The following SWAP70 variants were observed in gnomAD, a reference collection of about 807,000 sequenced individuals.
The protein encoded by SWAP70 is switch-associated protein 70.
A neutral mutation model predicts 80.2 loss-of-function variants in SWAP70; 34 were observed. The ratio of observed to expected loss-of-function variants is 0.42; its 90% CI spans 0.32 to 0.56. SWAP70 has a LOEUF of 0.56. SWAP70 is among the 20% of genes least tolerant of loss of function. The pLI is 0.09. For synonymous variants in SWAP70, 239 were observed against 238.5 expected, an observed-to-expected ratio of 1.00 and a Z score of -0.02; for missense variants, 578 against 690.7, an observed-to-expected ratio of 0.84 and a Z score of 1.83.
chr11:9,684,839 T>C (rs765953321), intron 1 of SWAP70, among the ~76,000 whole-genome samples: 7 of 152,208 alleles, frequency 4.6e-5, no homozygotes, highest in Non-Finnish European at 1.0e-4. Flanking sequence ...GGGACTAATT[T>C]AGCAAACATT....
chr11:9,736,217 C>T (rs1440730914), intron 7 of SWAP70, among the ~76,000 whole-genome samples: 1 of 152,010 alleles, frequency 6.6e-6, no homozygotes, highest in Admixed American at 6.6e-5. Flanking sequence ...ATTTATATCT[C>T]TTTATTATTC....
chr11:9,729,091 A>G (rs979801634), intron 5 of SWAP70, among the ~76,000 whole-genome samples: 2 of 152,212 alleles, frequency 1.3e-5, no homozygotes, highest in African/African-American at 2.4e-5. Flanking sequence ...AAGAGCTGCT[A>G]TACTCAGGAA....
intron 2 of SWAP70, among the ~76,000 whole-genome samples, chr11:9,707,934 A>C (rs183310044): frequency 2.0e-5 from 3 of 152,274 alleles, no homozygotes; most frequent in Non-Finnish European, 4.4e-5. Context: ...TTTTTTTGTT[A>C]TATAGATAAG....
chr11:9,699,395 T>G (rs992158087), intron 2 of SWAP70, among the ~76,000 whole-genome samples: 2 of 152,346 alleles, frequency 1.3e-5, no homozygotes, highest in Admixed American at 1.3e-4. Context: ...GCTTTTTTTT[T>G]GTTGCTGTTC....
At chr11:9,709,209 C>G (rs1304167287) in intron 2 of SWAP70, among the ~76,000 whole-genome samples, 5 of 152,146 alleles carry the variant, frequency 3.3e-5, no homozygotes, top group African/African-American at 1.2e-4. Context: ...ATTGCAGCCT[C>G]CACCTCCCAG....
At chr11:9,689,077 A>G (rs1048890411) in intron 1 of SWAP70, among the ~76,000 whole-genome samples, 1 of 152,186 alleles carries the variant, frequency 6.6e-6, no homozygotes, top group African/African-American at 2.4e-5. Context: ...TGGAATAGAA[A>G]TCTGCCCCCA....
intron 6 of SWAP70, among the ~76,000 whole-genome samples, chr11:9,730,057 A>G (rs925185535): frequency 1.3e-5 from 2 of 152,188 alleles, no homozygotes; most frequent in Non-Finnish European, 2.9e-5. Flanking sequence ...CTTTTAGTGT[A>G]ATCATCACTC....
At chr11:9,722,245 A>G (rs1200751591) in intron 3 of SWAP70, among the ~76,000 whole-genome samples, 1 of 152,182 alleles carries the variant, frequency 6.6e-6, no homozygotes, top group African/African-American at 2.4e-5. Context: ...AGGCTTACTT[A>G]GTTAATTTCA....
chr11:9,726,242 C>T (rs1358200090), intron 4 of SWAP70, among the ~76,000 whole-genome samples: 1 of 152,136 alleles, frequency 6.6e-6, no homozygotes, highest in Non-Finnish European at 1.5e-5. Flanking sequence ...TCTCAGCACC[C>T]AGCATAGCAG....
intron 2 of SWAP70, among the ~76,000 whole-genome samples, chr11:9,699,930 T>C (rs1267602447): frequency 2.0e-5 from 3 of 151,300 alleles, no homozygotes; most frequent in South Asian, 2.1e-4. Flanking sequence ...GTGTCTGTTA[T>C]TAAAATATTA....
chr11:9,667,353 C>G (rs750585624), intron 1 of SWAP70, among the ~76,000 whole-genome samples: 1 of 151,826 alleles, frequency 6.6e-6, no homozygotes, highest in Non-Finnish European at 1.5e-5. Flanking sequence ...CTGGCTCAAG[C>G]GATCCTCCAG....
At chr11:9,716,231 T>C (rs408569) in intron 3 of SWAP70, among the ~76,000 whole-genome samples, 49,597 of 151,930 alleles carry the variant, frequency 0.33, 8,339 homozygotes, top group Non-Finnish European at 0.35. Flanking sequence ...AGATGAAATA[T>C]GGAGACATGG....
At chr11:9,706,252 T>C (rs1590028356) in intron 2 of SWAP70, among the ~76,000 whole-genome samples, 4 of 24,756 alleles carry the variant, frequency 1.6e-4, no homozygotes, top group Non-Finnish European at 3.1e-4. Flanking sequence ...CTGTGTATAC[T>C]TGGTGATCTG....
intron 1 of SWAP70, among the ~76,000 whole-genome samples, chr11:9,669,380 C>T (rs1850346304): frequency 6.6e-6 from 1 of 152,186 alleles, no homozygotes; most frequent in Non-Finnish European, 1.5e-5. Context: ...CAGATGTGCA[C>T]CACCATGTCT....
At chr11:9,733,711 C>T (rs976633147) in intron 7 of SWAP70, among the ~76,000 whole-genome samples, 2 of 152,152 alleles carry the variant, frequency 1.3e-5, no homozygotes, top group Non-Finnish European at 2.9e-5. Context: ...GTAAAAATTC[C>T]CTTTAAAGGT....
At chr11:9,709,177 G>A (rs1007386748) in intron 2 of SWAP70, among the ~76,000 whole-genome samples, 6 of 151,876 alleles carry the variant, frequency 4.0e-5, no homozygotes, top group African/African-American at 1.5e-4. Context: ...AGGCTGGAGT[G>A]CAGCAGCACA....
At chr11:9,673,819 A>C (rs942040635) in intron 1 of SWAP70, among the ~76,000 whole-genome samples, 5 of 152,136 alleles carry the variant, frequency 3.3e-5, no homozygotes, top group African/African-American at 1.2e-4. Flanking sequence ...TGGGGAGAAA[A>C]AGGAGCAGGC....
chr11:9,670,624 G>A (rs1385201786), intron 1 of SWAP70, among the ~76,000 whole-genome samples: 1 of 152,060 alleles, frequency 6.6e-6, no homozygotes, highest in East Asian at 1.9e-4. Flanking sequence ...AGAGGAACAA[G>A]AAAAGCAGAG....
intron 1 of SWAP70, among the ~76,000 whole-genome samples, chr11:9,690,706 A>G (rs1419966231): frequency 2.6e-5 from 4 of 152,116 alleles, no homozygotes; most frequent in African/African-American, 7.2e-5. Flanking sequence ...GGGCACACAT[A>G]GTGAGACCCC....
Sources: gnomAD v4.1 joint callset for allele counts (sites outside exome capture counted in the v4.1 genomes callset) on GRCh38, gnomAD v4.1.1 for gene constraint, MANE v1.5 for transcripts, NCBI Gene and HGNC (gene_info 2026-07-23, HGNC 2026-07-21) for gene names.